The following WBP2NL variants were observed in gnomAD, a reference collection of about 807,000 sequenced individuals.
WBP2NL encodes postacrosomal sheath WW domain-binding protein.
WBP2NL carries 27 observed loss-of-function variants against 23.3 expected under a neutral mutation model. That is an observed-to-expected ratio of 1.16 (90% CI 0.85 to 1.60). The LOEUF (loss-of-function observed/expected upper bound fraction) is 1.60, where lower values mean the gene tolerates loss of function less well. Among genes scored for constraint, WBP2NL ranks in the 40% most tolerant of loss-of-function variants. WBP2NL has a pLI of 0.00. For synonymous variants in WBP2NL, 151 were observed against 145.9 expected, an observed-to-expected ratio of 1.03 and a Z score of -0.25; for missense variants, 370 against 389.5, an observed-to-expected ratio of 0.95 and a Z score of 0.42.
At chr22:42,046,385 A>C (rs914068233) in intron 8 of WBP2NL, among the ~76,000 whole-genome samples, 2 of 152,208 alleles carry the variant, frequency 1.3e-5, no homozygotes, top group Admixed American at 1.3e-4. Flanking sequence ...TCCATTAGAA[A>C]ATTAGGTTAA....
In WBP2NL at chr22:42,001,253, A is replaced by G. The variant is rs566058877; in HGVS notation, c.62+2373A>G. On this transcript the variant is annotated intron_variant, in intron 1 of 5. Transcript: ENST00000328823. ...TCCTTTGCATCCTGACTGCATCATC[A>G]TGTAGCAGCAAATGGTGTTAAATGA... 444 of 692,034 alleles carry G rather than the reference A, an allele frequency of 6.4e-4. 5 individuals carry two copies. In the South Asian group the frequency reaches 7.1e-3, roughly 11 times the overall value. 42.9% of individuals were successfully genotyped at this position (692,034 alleles called of 1,614,324 possible). A position where few individuals can be genotyped will look rare whatever the true frequency, so the allele number is the denominator to read the frequency against.
At chr22:42,014,361 G>C (rs1365135719) in intron 1 of WBP2NL, among the ~76,000 whole-genome samples, 1 of 152,142 alleles carries the variant, frequency 6.6e-6, no homozygotes, top group Admixed American at 6.6e-5. Context: ...GGATAGGTGG[G>C]ACTGTAGGTG....
intron 1 of WBP2NL, among the ~76,000 whole-genome samples, chr22:42,011,222 G>A (rs1427722792): frequency 6.6e-6 from 1 of 152,034 alleles, no homozygotes; most frequent in Non-Finnish European, 1.5e-5. Flanking sequence ...TTCTTTAAAC[G>A]TTTTGTATAA....
intron 1 of WBP2NL, among the ~76,000 whole-genome samples, chr22:42,013,112 C>A (rs1208038652): frequency 6.6e-6 from 1 of 151,896 alleles, no homozygotes; most frequent in Non-Finnish European, 1.5e-5. Context: ...GTGGCTTATG[C>A]CTGTAATCCC....
In WBP2NL at chr22:42,018,411, GAAGGA is replaced by G. The variant is rs529866339; in HGVS notation, c.63-896_63-892del. Among the ~76,000 whole-genome samples, 560 of 149,966 alleles carry G rather than the reference GAAGGA, an allele frequency of 3.7e-3. 6 individuals are homozygous for G. The highest frequency in any genetic ancestry group is 0.014 in the Middle Eastern group (4 of 292). ...AAGGAAAGAAGGGAAGGGAAGAAGG[GAAGGA>G]AAGTCAAAAGGAAAGGAAAGAAAGA... On this transcript the variant is annotated intron_variant, in intron 1 of 5. Coordinates refer to ENST00000328823, the MANE Select transcript of WBP2NL (RefSeq NM_152613.3).
chr22:42,029,497 G>A (rs1159781828), downstream of WBP2NL, among the ~76,000 whole-genome samples: 1 of 151,860 alleles, frequency 6.6e-6, no homozygotes, highest in Non-Finnish European at 1.5e-5. Context: ...TCAACCTCCT[G>A]AGTAGCTGGG....
intron 8 of WBP2NL, among the ~76,000 whole-genome samples, chr22:42,038,378 A>C (rs1257939157): frequency 6.6e-6 from 1 of 152,152 alleles, no homozygotes; most frequent in Non-Finnish European, 1.5e-5. Context: ...TTGGTTTGCT[A>C]GTGTTTTATT....
chr22:42,008,088 C>CTTCCTTTCCT lies in WBP2NL; in HGVS notation c.62+9231_62+9240dup, dbSNP rs572686268. Among the ~76,000 whole-genome samples the CTTCCTTTCCT allele has an allele frequency of 2.5e-3, 311 of 123,870 alleles. 39 individuals carry two copies. In the East Asian group the frequency reaches 0.033, roughly 13 times the overall value. The allele number at this position is 123,870 out of a possible 152,430, so 81.3% of individuals were successfully genotyped here. A position where few individuals can be genotyped will look rare whatever the true frequency, so the allele number is the denominator to read the frequency against. ...TGTTTTTCTTCTCTTCTCTTCTCCT[C>CTTCCTTTCCT]TTCCTTTCCTTTCCTTTCCTTTCCT... On this transcript the variant is annotated intron_variant, in intron 1 of 5. Transcript: ENST00000328823.
chr22:42,025,091 G>C (rs1369757944), intron 5 of WBP2NL, among the ~76,000 whole-genome samples: 1 of 152,140 alleles, frequency 6.6e-6, no homozygotes, highest in Non-Finnish European at 1.5e-5. Context: ...CTGTGCCCAG[G>C]CAAAAATGGC....
Position 42,028,244 on chromosome 22 carries a change from G to C in WBP2NL, c.*1063G>C, listed in dbSNP as rs1924681083. On this transcript the variant is annotated 3_prime_UTR_variant, in exon 6 of 6. Transcript: ENST00000328823. ...TGATAAGGAGAAAAGCAAGTTGTAG[G>C]GAGCATATACTATAGTGATTTTCAG... 2.5e-6 allele frequency: 1 copy of C among 395,676 alleles called. No individual in the cohort carries two copies. Among genetic ancestry groups the C allele is most frequent in the African/African-American group, 2.1e-5 (1 of 48,512 alleles). The allele number at this position is 395,676 out of a possible 1,614,324, so 24.5% of individuals were successfully genotyped here.
At chr22:42,000,745 G>GC (rs1352832139) in intron 1 of WBP2NL, among the ~76,000 whole-genome samples, 3 of 145,184 alleles carry the variant, frequency 2.1e-5, no homozygotes, top group African/African-American at 7.6e-5. Flanking sequence ...TGGCCAATAT[G>GC]TTGAAACCCC....
rs551418621 is a variant in WBP2NL, at chr22:42,045,056, C to T, written c.*274-13234C>T. On this transcript the variant is annotated intron_variant and NMD_transcript_variant, in intron 8 of 8. Transcript: ENST00000436265. Reference sequence around the variant, plus strand: ...ATGTTGCCCGGTCTGGTCTTGAACTCCTGGCCTTAATCAATCCTCTTGTCT... The same window carrying T: ...ATGTTGCCCGGTCTGGTCTTGAACTTCTGGCCTTAATCAATCCTCTTGTCT... 1.3e-3 allele frequency among the ~76,000 whole-genome samples: 198 copies of T among 152,122 alleles called. 1 individual carries two copies. In the Middle Eastern group the frequency reaches 0.024, roughly 18 times the overall value.
chr22:42,007,624 C>A (rs982793510), intron 1 of WBP2NL, among the ~76,000 whole-genome samples: 10 of 152,296 alleles, frequency 6.6e-5, no homozygotes, highest in African/African-American at 2.4e-4. Flanking sequence ...TTGACTACTT[C>A]AGATACCTCA....
At chr22:42,042,088 C>G (rs1925418815) in intron 8 of WBP2NL, among the ~76,000 whole-genome samples, 1 of 152,166 alleles carries the variant, frequency 6.6e-6, no homozygotes, top group Non-Finnish European at 1.5e-5. Flanking sequence ...TTTTTTCTTG[C>G]ATCTTTCAAA....
chr22:42,026,902 T>C lies in WBP2NL; in HGVS notation c.651T>C (p.Tyr217=), dbSNP rs375575035. 8.7e-6 allele frequency: 14 copies of C among 1,606,700 alleles called. No individual in the cohort carries two copies. The Middle Eastern group carries it at 5.0e-4, about 57-fold the overall frequency. Residue 217 remains tyrosine (Y), a synonymous_variant, in exon 6 of 6, where the codon TAT becomes TAC. Coordinates refer to ENST00000328823, the MANE Select transcript of WBP2NL (RefSeq NM_152613.3). ...PVGYRASPVR[Y]GAPPLGYGAP... is the part of the protein sequence containing the mutation. ...GATACAGAGCCTCACCTGTGCGATA[T>C]GGAGCCCCACCTCTTGGATACGGAG...
chr22:42,029,482 G>A (rs1471444289), downstream of WBP2NL, among the ~76,000 whole-genome samples: 3 of 151,556 alleles, frequency 2.0e-5, no homozygotes, highest in East Asian at 1.9e-4. Context: ...GGCAATTCTC[G>A]TGCCTCAACC....
intron 1 of WBP2NL, among the ~76,000 whole-genome samples, chr22:42,008,088 C>CTTCCT (rs572686268): frequency 0.022 from 2,726 of 123,802 alleles, 122 homozygotes; most frequent in African/African-American, 0.051. Flanking sequence ...CTCTTCTCCT[C>CTTCCT]TTCCTTTCCT....
At chr22:42,046,135 CCTT>C (rs1474097855) in intron 8 of WBP2NL, among the ~76,000 whole-genome samples, 1 of 152,210 alleles carries the variant, frequency 6.6e-6, no homozygotes, top group African/African-American at 2.4e-5. Flanking sequence ...AACCATTTAA[CCTT>C]CTTTGTTCTA....
chr22:42,032,723 A>C, downstream of WBP2NL: 1 of 468,230 alleles, frequency 2.1e-6, no homozygotes, highest in South Asian at 1.6e-5. Context: ...GGTGGGGCAG[A>C]CAACCATGGA....
Sources: allele counts gnomAD v4.1 joint callset (sites outside exome capture counted in the v4.1 genomes callset), GRCh38; gene constraint gnomAD v4.1.1; transcripts MANE v1.5; gene names NCBI Gene and HGNC (gene_info 2026-07-23, HGNC 2026-07-21).